The following GPR158 variants were observed in gnomAD, a reference collection of about 807,000 sequenced individuals.
GPR158 encodes metabotropic glycine receptor.
In GPR158, 30 loss-of-function variants were observed where a neutral mutation model predicts 78.2. The ratio of observed to expected loss-of-function variants is 0.38; its 90% CI spans 0.29 to 0.52. The LOEUF (loss-of-function observed/expected upper bound fraction) is 0.52, where lower values mean the gene tolerates loss of function less well. GPR158 is among the 20% of genes least tolerant of loss of function. GPR158 has a pLI of 0.83. For missense variants in GPR158, 1,463 were observed against 1,523.5 expected (o/e 0.96, Z 0.66); for synonymous variants, 581 against 591.1 (o/e 0.98, Z 0.25).
At chr10:25,525,869 G>A (rs544682035) in intron 5 of GPR158, among the ~76,000 whole-genome samples, 1 of 152,250 alleles carries the variant, frequency 6.6e-6, no homozygotes, top group South Asian at 2.1e-4. Flanking sequence ...CACTTTGGGA[G>A]GCTGAAGTGG....
At chr10:25,353,849 C>T (rs990381169) in intron 2 of GPR158, among the ~76,000 whole-genome samples, 12 of 152,016 alleles carry the variant, frequency 7.9e-5, no homozygotes, top group Admixed American at 4.6e-4. Context: ...AGACCATTCA[C>T]GTTGTATTAT....
intron 7 of GPR158, among the ~76,000 whole-genome samples, chr10:25,575,511 A>G (rs527878524): frequency 3.0e-4 from 45 of 152,214 alleles, no homozygotes; most frequent in African/African-American, 9.4e-4. Context: ...GACTTCCTCA[A>G]TCAGACACTC....
chr10:25,354,388 A>G (rs1855519247), intron 2 of GPR158, among the ~76,000 whole-genome samples: 1 of 151,898 alleles, frequency 6.6e-6, no homozygotes, highest in Admixed American at 6.6e-5. Context: ...AGGAGAGGAC[A>G]ACTTACCTTA....
chr10:25,402,867 A>G (rs2130537799), intron 3 of GPR158, among the ~76,000 whole-genome samples: 1 of 151,996 alleles, frequency 6.6e-6, no homozygotes, highest in Admixed American at 6.6e-5. Flanking sequence ...GCTAAAATTC[A>G]CTTACCAAAG....
Position 25,175,500 on chromosome 10 carries a change from A to G in GPR158, c.80A>G (p.Asp27Gly), listed in dbSNP as rs1852512047. 1.2e-6 allele frequency: 2 copies of G among 1,611,294 alleles called. No individual in the cohort carries two copies. The highest frequency in any genetic ancestry group is 1.7e-6 in the Non-Finnish European group (2 of 1,179,438). ...LGLGAVGASR[D>G]PQGRPDSPRE... ...TTGGGAGCTGTTGGCGCCAGCCGCG[A>G]CCCCCAAGGACGGCCGGATTCCCCT... Residue 27 changes from aspartate (D) to glycine (G), a missense_variant, in exon 1 of 11, where the codon GAC (aspartate) becomes GGC (glycine). Asp to Gly is a moderately conservative substitution (Grantham distance 94). Coordinates refer to ENST00000376351, the MANE Select transcript of GPR158 (RefSeq NM_020752.3). This position sits in a 1 kb window ranked among gnomAD's most constrained non-coding sequence, Gnocchi z 6.4.
chr10:25,482,028 T>C (rs961966680), intron 5 of GPR158, among the ~76,000 whole-genome samples: 2 of 152,122 alleles, frequency 1.3e-5, no homozygotes, highest in African/African-American at 4.8e-5. Context: ...GCCTTCCTGC[T>C]TGACCATACC....
At chr10:25,210,464 C>T (rs1181399142) in intron 1 of GPR158, among the ~76,000 whole-genome samples, 1 of 152,186 alleles carries the variant, frequency 6.6e-6, no homozygotes, top group Non-Finnish European at 1.5e-5. Flanking sequence ...AGACAGCGTG[C>T]ATCAGTTTCC....
rs1036241025 is a variant in GPR158 at position 25,251,742 on chromosome 10, T to C, written c.1008+30585T>C. Among the ~76,000 whole-genome samples the C allele has an allele frequency of 7.4e-4, 113 of 151,872 alleles. 3 individuals are homozygous for C. The highest frequency in any genetic ancestry group is 2.6e-3 in the African/African-American group (109 of 41,372). On this transcript the variant is annotated intron_variant, in intron 2 of 10. Coordinates refer to ENST00000376351, the MANE Select transcript of GPR158 (RefSeq NM_020752.3). ...CCCGACCTTTCTCTCTGGCTGCCCT[T>C]AGCATTTTTTCCTTCATTTCAACTT...
chr10:25,394,896 G>A (rs1429236711), intron 2 of GPR158, among the ~76,000 whole-genome samples: 1 of 151,954 alleles, frequency 6.6e-6, no homozygotes, highest in Non-Finnish European at 1.5e-5. Flanking sequence ...TTTATCTCAA[G>A]GGCTTCTGAA....
rs920284805 is a variant in GPR158 at position 25,176,188 on chromosome 10, C to T, written c.768C>T (p.Leu256=). The T allele has an allele frequency of 1.5e-5, 23 of 1,577,378 alleles. No individual in the cohort carries two copies. The highest frequency in any genetic ancestry group is 1.8e-5 in the Non-Finnish European group (21 of 1,162,290). ...LGHSWRRKDG[L]GGDKSHFKWS... ...ACAGCTGGCGGCGCAAGGACGGGCT[C>T]GGCGGGGACAAGAGCCACTTCAAGT... The change falls in exon 1 of 11, where the codon CTC becomes CTT. Residue 256 remains leucine (L), a synonymous_variant. Coordinates refer to ENST00000376351, the MANE Select transcript of GPR158 (RefSeq NM_020752.3). This position sits in a 1 kb window ranked among gnomAD's most constrained non-coding sequence, Gnocchi z 6.3.
chr10:25,385,158 C>T (rs77757492), intron 2 of GPR158, among the ~76,000 whole-genome samples: 1,595 of 152,192 alleles, frequency 0.01, 17 homozygotes, highest in Middle Eastern at 0.024. Flanking sequence ...CACCGTTCCA[C>T]TTTCTATTTC....
intron 2 of GPR158, among the ~76,000 whole-genome samples, chr10:25,361,477 G>A (rs964565307): frequency 3.3e-5 from 5 of 151,904 alleles, no homozygotes; most frequent in African/African-American, 9.7e-5. Flanking sequence ...GGATCATATG[G>A]TAATTATATT....
chr10:25,187,353 C>A (rs925164579), intron 1 of GPR158, among the ~76,000 whole-genome samples: 3 of 152,124 alleles, frequency 2.0e-5, no homozygotes, highest in African/African-American at 7.2e-5. Flanking sequence ...AGGCCAATAT[C>A]CCTGATGAAC....
At chr10:25,449,809 A>G (rs924197931) in intron 4 of GPR158, among the ~76,000 whole-genome samples, 9 of 152,218 alleles carry the variant, frequency 5.9e-5, no homozygotes, top group African/African-American at 2.2e-4. Flanking sequence ...CAATGTATAC[A>G]GATATCAAAA....
rs1235295928 is a variant in GPR158 at position 25,596,623 on chromosome 10, T to C, written c.1999-20T>C. On this transcript the variant is annotated intron_variant, in intron 9 of 10. Transcript: ENST00000376351. ...GTTACAGTGAGCTAATGTCTACTGC[T>C]CATACTGAATTTGTTTCAGTTTTCA... 2 of 1,600,368 alleles carry C rather than the reference T, an allele frequency of 1.2e-6. No homozygotes were observed. The highest frequency in any genetic ancestry group is 8.6e-7 in the Non-Finnish European group (1 of 1,169,576).
intron 4 of GPR158, among the ~76,000 whole-genome samples, chr10:25,424,160 G>C (rs1428363782): frequency 6.6e-6 from 1 of 152,072 alleles, no homozygotes; most frequent in Non-Finnish European, 1.5e-5. Context: ...TCATGTGTCT[G>C]TTGGCTGCAT....
chr10:25,480,339 C>T, intron 5 of GPR158, among the ~76,000 whole-genome samples: 1 of 152,196 alleles, frequency 6.6e-6, no homozygotes, highest in South Asian at 2.1e-4. Flanking sequence ...GTAAAATATA[C>T]ATAACATAAA....
At chr10:25,578,057 C>T (rs1837129540) in intron 7 of GPR158, among the ~76,000 whole-genome samples, 1 of 152,210 alleles carries the variant, frequency 6.6e-6, no homozygotes, top group African/African-American at 2.4e-5. Flanking sequence ...AACATTTAAA[C>T]TGCCATACCT....
At chr10:25,432,719 T>C (rs1319400669) in intron 4 of GPR158, among the ~76,000 whole-genome samples, 1 of 152,202 alleles carries the variant, frequency 6.6e-6, no homozygotes. Flanking sequence ...CAATTTTTTC[T>C]TTTTCCTTTC....
Sources: gnomAD v4.1 joint callset for allele counts (sites outside exome capture counted in the v4.1 genomes callset) on GRCh38, gnomAD v4.1.1 for gene constraint, Gnocchi (gnomAD v3.1) non-coding constraint, MANE v1.5 for transcripts, NCBI Gene and HGNC (gene_info 2026-07-23, HGNC 2026-07-21) for gene names.